Variants in DYM observed in about 807,000 individuals in gnomAD.
The protein encoded by DYM is dyggve-Melchior-Clausen syndrome protein.
A neutral mutation model predicts 93.1 loss-of-function variants in DYM; 78 were observed. The ratio of observed to expected loss-of-function variants is 0.84; its 90% confidence interval spans 0.70 to 1.01. The LOEUF is 1.01. DYM is among the 50% of genes least tolerant of loss of function. The pLI, the probability that DYM is intolerant of heterozygous loss-of-function variation, is 0.00. For missense variants in DYM, 789 were observed against 845.0 expected, an observed-to-expected ratio of 0.93 and a Z score of 0.82; for synonymous variants, 321 against 319.7, an observed-to-expected ratio of 1.00 and a Z score of -0.04.
At chr18:49,076,040 T>C (rs1356169566) in intron 17 of DYM, among the ~76,000 whole-genome samples, 1 of 152,234 alleles carries the variant, frequency 6.6e-6, no homozygotes, top group Non-Finnish European at 1.5e-5. Context: ...CCTGTTACTG[T>C]ACAGGCAGTA....
intron 10 of DYM, among the ~76,000 whole-genome samples, chr18:49,274,078 A>C (rs1030553020): frequency 3.3e-5 from 5 of 152,248 alleles, no homozygotes; most frequent in African/African-American, 1.2e-4. Context: ...ATACTCAGAA[A>C]TATGTGTAAC....
chr18:49,426,194 C>T (rs1325107153), intron 2 of DYM, among the ~76,000 whole-genome samples: 1 of 152,068 alleles, frequency 6.6e-6, no homozygotes, highest in East Asian at 1.9e-4. Context: ...GGCACATATA[C>T]AGCAGGGAAT....
chr18:49,115,294 G>T (rs1209038986), intron 16 of DYM, among the ~76,000 whole-genome samples: 1 of 152,012 alleles, frequency 6.6e-6, no homozygotes, highest in Non-Finnish European at 1.5e-5. Flanking sequence ...TGCAGCTACT[G>T]CAGCTATGAC....
At chr18:49,095,385 C>T (rs2079448983) in intron 17 of DYM, among the ~76,000 whole-genome samples, 1 of 151,622 alleles carries the variant, frequency 6.6e-6, no homozygotes. Flanking sequence ...ACTAGGATGA[C>T]TCACCATCTG....
intron 13 of DYM, among the ~76,000 whole-genome samples, chr18:49,233,487 G>A (rs1448797010): frequency 6.6e-6 from 1 of 151,882 alleles, no homozygotes; most frequent in Non-Finnish European, 1.5e-5. Context: ...TTCAGATGTA[G>A]TTACATGACA....
At chr18:49,268,804 T>C (rs1010919709) in intron 11 of DYM, among the ~76,000 whole-genome samples, 1 of 150,550 alleles carries the variant, frequency 6.6e-6, no homozygotes, top group Non-Finnish European at 1.5e-5. Context: ...TATTTGTTTT[T>C]AATTCCTTAT....
At chr18:49,393,020 G>T (rs2069484760) in intron 2 of DYM, among the ~76,000 whole-genome samples, 1 of 85,412 alleles carries the variant, frequency 1.2e-5, no homozygotes, top group South Asian at 4.3e-4. Flanking sequence ...AGAAGAAGAA[G>T]AGGAAGAAGG....
At chr18:49,203,479 T>C (rs1330172210) in intron 14 of DYM, among the ~76,000 whole-genome samples, 3 of 148,610 alleles carry the variant, frequency 2.0e-5, no homozygotes, top group Non-Finnish European at 4.4e-5. Flanking sequence ...GAAGTAGACA[T>C]GGGAGACTTT....
chr18:49,161,540 T>C (rs955262081), intron 15 of DYM, among the ~76,000 whole-genome samples: 4 of 152,184 alleles, frequency 2.6e-5, no homozygotes, highest in African/African-American at 7.2e-5. Context: ...CAACTCCCCA[T>C]TGCCACCCTG....
intron 15 of DYM, among the ~76,000 whole-genome samples, chr18:49,152,265 T>C (rs990725367): frequency 1.3e-5 from 2 of 152,130 alleles, no homozygotes; most frequent in Non-Finnish European, 2.9e-5. Flanking sequence ...GAAAAGGCAA[T>C]AGTGTTTCAT....
At position 49,146,643 on chromosome 18, in the gene DYM, G is replaced by A. The variant is rs567218657; in HGVS notation, c.1728+17042C>T. Among the ~76,000 whole-genome samples, 367 of 152,268 alleles carry A rather than the reference G, an allele frequency of 2.4e-3. 2 individuals are homozygous for A. The highest frequency in any genetic ancestry group is 8.2e-3 in the African/African-American group (342 of 41,540). ...TCTAGGAATCCAACTTACAAGGGAC[G>A]TGAAGGACCTCTTCAAGGAGAACTG... On this transcript the variant is annotated intron_variant, in intron 15 of 17. Transcript: ENST00000675505.
At chr18:49,253,116 A>G (rs967831898) in intron 13 of DYM, among the ~76,000 whole-genome samples, 5 of 152,222 alleles carry the variant, frequency 3.3e-5, no homozygotes, top group African/African-American at 1.2e-4. Flanking sequence ...ATAGCAATGT[A>G]ACATGTTATC....
intron 13 of DYM, among the ~76,000 whole-genome samples, chr18:49,246,673 A>C (rs1404493710): frequency 6.6e-6 from 1 of 152,218 alleles, no homozygotes; most frequent in East Asian, 1.9e-4. Context: ...GGTCCTTCTA[A>C]GTCTATAATT....
chr18:49,277,757 C>T (rs1397225106), intron 10 of DYM, among the ~76,000 whole-genome samples: 5 of 152,156 alleles, frequency 3.3e-5, no homozygotes, highest in East Asian at 1.9e-4. Flanking sequence ...TACAGAACTA[C>T]GAGAAATAAC....
intron 15 of DYM, among the ~76,000 whole-genome samples, chr18:49,140,975 T>G (rs2084417595): frequency 6.6e-6 from 1 of 152,204 alleles, no homozygotes. Context: ...CATGTATAGT[T>G]GTTCACTATT....
At chr18:49,169,825 T>C (rs1296500655) in intron 14 of DYM, among the ~76,000 whole-genome samples, 1 of 152,128 alleles carries the variant, frequency 6.6e-6, no homozygotes, top group African/African-American at 2.4e-5. Flanking sequence ...GAGAAAAGGA[T>C]GGACAGGAGA....
At chr18:49,248,677 T>C (rs939721716) in intron 13 of DYM, among the ~76,000 whole-genome samples, 7 of 151,454 alleles carry the variant, frequency 4.6e-5, no homozygotes, top group African/African-American at 1.7e-4. Context: ...ATACAACAAA[T>C]GGCATTCGTC....
Position 49,195,201 on chromosome 18 carries a change from T to C in DYM, c.1625+14350A>G, listed in dbSNP as rs535533410. On this transcript the variant is annotated intron_variant, in intron 14 of 17. Transcript: ENST00000675505. ...TTTATTCTTACCTAACAAGATGTAA[T>C]TGTTAGTTCAGTTCACTGTCTACTC... 2.0e-5 allele frequency among the ~76,000 whole-genome samples: 3 copies of C among 152,346 alleles called. No individual in the cohort carries two copies. The South Asian group carries it at 6.2e-4, about 32-fold the overall frequency.
intron 13 of DYM, among the ~76,000 whole-genome samples, chr18:49,221,302 T>C (rs889265978): frequency 6.6e-6 from 1 of 152,028 alleles, no homozygotes; most frequent in African/African-American, 2.4e-5. Flanking sequence ...TTTTACACTG[T>C]TGGTGGGAGT....
Sources: gnomAD v4.1 joint callset for allele counts (sites outside exome capture counted in the v4.1 genomes callset) on GRCh38, gnomAD v4.1.1 for gene constraint, MANE v1.5 for transcripts, NCBI Gene and HGNC (gene_info 2026-07-23, HGNC 2026-07-21) for gene names.